The following MACROD2 variants were observed in gnomAD, a reference collection of about 807,000 sequenced individuals.
MACROD2 encodes the protein ADP-ribose glycohydrolase MACROD2.
Under a neutral mutation model 70.4 loss-of-function variants are expected in MACROD2, and 36 were observed. The observed-to-expected ratio is 0.51, with a 90% CI of 0.39 to 0.68. MACROD2 has a LOEUF of 0.68. MACROD2 is among the 30% of genes least tolerant of loss of function. The pLI is 0.00. For synonymous variants in MACROD2, 172 were observed against 178.8 expected (o/e 0.96, Z 0.30); for missense variants, 496 against 538.4 (o/e 0.92, Z 0.78).
chr20:14,531,923 A>G (rs976229692), intron 4 of MACROD2, among the ~76,000 whole-genome samples: 13 of 152,148 alleles, frequency 8.5e-5, no homozygotes, highest in East Asian at 3.9e-4. Context: ...AGCCAGCCTT[A>G]TAAAAGCTGT....
chr20:15,490,853 C>G (rs1225375259), intron 7 of MACROD2, among the ~76,000 whole-genome samples: 1 of 152,224 alleles, frequency 6.6e-6, no homozygotes, highest in Non-Finnish European at 1.5e-5. Context: ...GCCAGCAAGT[C>G]TAGCAGATAT....
At chr20:14,955,121 TTA>T (rs1403312080) in intron 5 of MACROD2, among the ~76,000 whole-genome samples, 11 of 98,228 alleles carry the variant, frequency 1.1e-4, no homozygotes, top group African/African-American at 3.8e-4. Context: ...TATATATAAC[TTA>T]TATATTATAA....
chr20:15,638,366 A>G (rs1252236242), intron 8 of MACROD2, among the ~76,000 whole-genome samples: 3 of 152,216 alleles, frequency 2.0e-5, no homozygotes, highest in African/African-American at 7.2e-5. Flanking sequence ...AGCAGGGTAC[A>G]CCACTCACTC....
rs150328376 is a variant in MACROD2 at position 14,416,363 on chromosome 20, A to G, written c.272-77116A>G. Among the ~76,000 whole-genome samples the G allele has an allele frequency of 6.2e-3, 942 of 152,284 alleles. 17 individuals carry two copies. Among genetic ancestry groups the G allele is most frequent in the African/African-American group, 0.021 (883 of 41,544 alleles). On this transcript the variant is annotated intron_variant, in intron 3 of 17. Coordinates refer to ENST00000684519, the MANE Select transcript of MACROD2 (RefSeq NM_001351661.2). ...TGTTTTTTCCCCCCAGTGTAAATTAATGACTTACTCAAAACAATTTTTAAG... is the reference window on the plus strand; with the variant it reads ...TGTTTTTTCCCCCCAGTGTAAATTAGTGACTTACTCAAAACAATTTTTAAG...
intron 5 of MACROD2, among the ~76,000 whole-genome samples, chr20:15,167,719 G>T (rs2076395273): frequency 6.6e-6 from 1 of 152,030 alleles, no homozygotes; most frequent in African/African-American, 2.4e-5. Context: ...AATTCACTCA[G>T]TTTATCCTCA....
In MACROD2 at chr20:15,268,811, A is replaced by G. The variant is rs553913164; in HGVS notation, c.540+38750A>G. ...AGTTAACTAATGAACAAATAAATGCATGATTGACCTTCCTTCCTTCAGAGT... is the reference window on the plus strand; with the variant it reads ...AGTTAACTAATGAACAAATAAATGCGTGATTGACCTTCCTTCCTTCAGAGT... On this transcript the variant is annotated intron_variant, in intron 6 of 17. Coordinates refer to ENST00000684519, the MANE Select transcript of MACROD2 (RefSeq NM_001351661.2). Among the ~76,000 whole-genome samples the G allele has an allele frequency of 2.6e-5, 4 of 152,326 alleles. No homozygotes were observed. In the South Asian group the frequency reaches 8.3e-4, roughly 32 times the overall value.
At chr20:15,033,662 A>G (rs1022244725) in intron 5 of MACROD2, among the ~76,000 whole-genome samples, 3 of 152,232 alleles carry the variant, frequency 2.0e-5, no homozygotes, top group African/African-American at 7.2e-5. Flanking sequence ...TGCATCCACT[A>G]TAACTCTCTA....
chr20:15,328,524 A>G (rs2077957230), intron 6 of MACROD2, among the ~76,000 whole-genome samples: 1 of 152,172 alleles, frequency 6.6e-6, no homozygotes, highest in Admixed American at 6.6e-5. Context: ...TCATTAAGAC[A>G]CAGACCTAGA....
At chr20:15,794,000 A>C (rs964936415) in intron 8 of MACROD2, among the ~76,000 whole-genome samples, 48 of 150,818 alleles carry the variant, frequency 3.2e-4, no homozygotes, top group Admixed American at 6.6e-5. Flanking sequence ...ATTTTCTGTA[A>C]AATAAGAATG....
chr20:15,814,707 A>C (rs2063855172), intron 8 of MACROD2, among the ~76,000 whole-genome samples: 1 of 152,214 alleles, frequency 6.6e-6, no homozygotes, highest in Admixed American at 6.5e-5. Context: ...TCTATTATTA[A>C]GACCTGTACA....
At chr20:14,387,504 CTTTT>C (rs1464396500) in intron 3 of MACROD2, among the ~76,000 whole-genome samples, 1 of 152,150 alleles carries the variant, frequency 6.6e-6, no homozygotes, top group African/African-American at 2.4e-5. Context: ...AAGTGTCTAT[CTTTT>C]TAAGTTCCTT....
intron 4 of MACROD2, among the ~76,000 whole-genome samples, chr20:14,534,187 G>A (rs971886878): frequency 2.6e-5 from 4 of 152,190 alleles, no homozygotes; most frequent in Admixed American, 6.5e-5. Context: ...GGGCCACACC[G>A]TCAGATTCGA....
At chr20:14,575,681 A>G (rs990050019) in intron 4 of MACROD2, among the ~76,000 whole-genome samples, 2 of 152,224 alleles carry the variant, frequency 1.3e-5, no homozygotes, top group African/African-American at 4.8e-5. Context: ...ATGTTGGCAT[A>G]TGTACATTTT....
chr20:14,758,204 G>A (rs1047322072), intron 5 of MACROD2: 12 of 253,084 alleles, frequency 4.7e-5, no homozygotes, highest in Non-Finnish European at 7.0e-5. Flanking sequence ...CCTTTGCTGC[G>A]TATTTCTTTT....
At chr20:15,586,387 A>G (rs1350780386) in intron 8 of MACROD2, among the ~76,000 whole-genome samples, 1 of 152,232 alleles carries the variant, frequency 6.6e-6, no homozygotes, top group Non-Finnish European at 1.5e-5. Context: ...CTCTTGAAAC[A>G]TGAAGCTTGG....
chr20:14,986,184 T>C (rs1310872785), intron 5 of MACROD2, among the ~76,000 whole-genome samples: 1 of 152,206 alleles, frequency 6.6e-6, no homozygotes, highest in Non-Finnish European at 1.5e-5. Flanking sequence ...TGGTTGCTTG[T>C]TTAAATAAAG....
chr20:15,227,823 G>GGTTTTTTTTTTTTT, intron 5 of MACROD2, among the ~76,000 whole-genome samples: 1 of 46,108 alleles, frequency 2.2e-5, no homozygotes, highest in Admixed American at 3.0e-4. Context: ...AATTTCACCT[G>GGTTTTTTTTTTTTT]TTTTTTTTTT....
At chr20:15,583,339 G>A (rs1241524672) in intron 8 of MACROD2, among the ~76,000 whole-genome samples, 2 of 152,206 alleles carry the variant, frequency 1.3e-5, no homozygotes, top group African/African-American at 2.4e-5. Context: ...CACATTTAAC[G>A]GGCAGATTAT....
At chr20:15,998,811 G>A (rs902843508) in intron 15 of MACROD2, among the ~76,000 whole-genome samples, 12 of 151,822 alleles carry the variant, frequency 7.9e-5, no homozygotes, top group African/African-American at 7.3e-5. Flanking sequence ...TGATCTGCCC[G>A]TCTCGGCCTC....
Sources: gnomAD v4.1 joint callset for allele counts (sites outside exome capture counted in the v4.1 genomes callset) on GRCh38, gnomAD v4.1.1 for gene constraint, MANE v1.5 for transcripts, NCBI Gene and HGNC (gene_info 2026-07-23, HGNC 2026-07-21) for gene names.